Variants in CHST11 observed in about 807,000 individuals in gnomAD.
CHST11 encodes the protein C4S-1.
Under a neutral mutation model 30.4 loss-of-function variants are expected in CHST11, and 9 were observed. The observed-to-expected ratio is 0.30, with a 90% CI of 0.18 to 0.52. The LOEUF (loss-of-function observed/expected upper bound fraction) is 0.52, where lower values mean the gene tolerates loss of function less well. CHST11 is among the 20% of genes least tolerant of loss of function. CHST11 has a pLI of 0.97. For synonymous variants in CHST11, 152 were observed against 187.8 expected (o/e 0.81, Z 1.56); for missense variants, 348 against 460.6 (o/e 0.76, Z 2.24).
chr12:104,500,720 T>C (rs920262713), intron 1 of CHST11, among the ~76,000 whole-genome samples: 5 of 152,178 alleles, frequency 3.3e-5, no homozygotes, highest in African/African-American at 1.2e-4. Flanking sequence ...GGGAGGGTTA[T>C]AGTTGGATGC....
At chr12:104,488,206 T>C (rs1326143529) in intron 1 of CHST11, among the ~76,000 whole-genome samples, 1 of 152,180 alleles carries the variant, frequency 6.6e-6, no homozygotes, top group Non-Finnish European at 1.5e-5. Flanking sequence ...GCTTTGCACA[T>C]GGGAACCACG....
chr12:104,743,897 A>G (rs1259279768), intron 2 of CHST11, among the ~76,000 whole-genome samples: 1 of 152,092 alleles, frequency 6.6e-6, no homozygotes, highest in Non-Finnish European at 1.5e-5. Context: ...GCTAAGGATT[A>G]TGGCCTCCAG....
At chr12:104,683,208 C>G (rs1490772439) in intron 2 of CHST11, among the ~76,000 whole-genome samples, 6 of 152,182 alleles carry the variant, frequency 3.9e-5, no homozygotes, top group African/African-American at 1.2e-4. Flanking sequence ...CTGCTCAGTG[C>G]GAGACAACCC....
chr12:104,757,093 G>A lies in CHST11; in HGVS notation c.349G>A (p.Glu117Lys). Reference protein sequence around the residue: ...LKHLVVDEDHELIYCYVPKVA... With the variant: ...LKHLVVDEDHKLIYCYVPKVA... ...GCACTTGGTGGTGGATGAGGACCACGAGCTCATCTACTGCTACGTGCCCAA... is the reference window on the plus strand; with the variant it reads ...GCACTTGGTGGTGGATGAGGACCACAAGCTCATCTACTGCTACGTGCCCAA... Residue 117 changes from glutamate (E) to lysine (K), a missense_variant, in exon 3 of 3, where the codon GAG (glutamate) becomes AAG (lysine). By Grantham distance (56) the Glu-to-Lys change is moderately conservative (BLOSUM62 1). Around this residue, in one of 3 missense-constraint regions of CHST11, gnomAD observed 135 missense variants for 155.8 expected, o/e 0.87. Transcript: ENST00000303694. This position sits in a 1 kb window ranked among gnomAD's most constrained non-coding sequence, Gnocchi z 6.5. The A allele has an allele frequency of 6.2e-7, 1 of 1,614,072 alleles. No homozygotes were observed. The highest frequency in any genetic ancestry group is 1.7e-5 in the Admixed American group (1 of 60,014).
At chr12:104,492,487 C>G (rs1386236768) in intron 1 of CHST11, among the ~76,000 whole-genome samples, 1 of 152,328 alleles carries the variant, frequency 6.6e-6, no homozygotes, top group Non-Finnish European at 1.5e-5. Flanking sequence ...GTCTCTCTGC[C>G]CCTCACTATG....
chr12:104,626,319 C>T (rs1185662671), intron 2 of CHST11, among the ~76,000 whole-genome samples: 1 of 151,978 alleles, frequency 6.6e-6, no homozygotes, highest in Non-Finnish European at 1.5e-5. Flanking sequence ...TTTTTAAAAC[C>T]TCATAAAACC....
At chr12:104,720,230 C>T (rs927054958) in intron 2 of CHST11, among the ~76,000 whole-genome samples, 6 of 152,230 alleles carry the variant, frequency 3.9e-5, no homozygotes, top group Non-Finnish European at 1.5e-5. Flanking sequence ...TACTGTGTGC[C>T]AAGCATTTTA....
chr12:104,525,342 T>A (rs2038115282), intron 1 of CHST11, among the ~76,000 whole-genome samples: 1 of 152,230 alleles, frequency 6.6e-6, no homozygotes, highest in African/African-American at 2.4e-5. Flanking sequence ...AATTACTTTT[T>A]GAACCATAAG....
chr12:104,697,160 G>C (rs1333056251), intron 2 of CHST11, among the ~76,000 whole-genome samples: 1 of 152,184 alleles, frequency 6.6e-6, no homozygotes, highest in Non-Finnish European at 1.5e-5. Context: ...GCCAGCAGTG[G>C]ATGGGGACCC....
At chr12:104,488,440 TATGTATGTGTGTATATGC>T (rs1400046181) in intron 1 of CHST11, among the ~76,000 whole-genome samples, 3 of 151,796 alleles carry the variant, frequency 2.0e-5, no homozygotes, top group East Asian at 1.9e-4. Context: ...TGTATGCATG[TATGTATGTGTGTATATGC>T]ATGTATGTGT....
intron 1 of CHST11, among the ~76,000 whole-genome samples, chr12:104,541,861 G>A (rs571286488): frequency 3.3e-5 from 5 of 152,284 alleles, no homozygotes; most frequent in East Asian, 3.9e-4. Flanking sequence ...CCCAGGAGGC[G>A]GAGGTTGCAG....
In CHST11 at chr12:104,504,394, C is replaced by T. The variant is rs2037882469; in HGVS notation, c.118+46865C>T. ...AGAAAACCAGATGCCAGACTCCTGACTCTGGCACTGCTGAGTCCTGTTTCT... is the reference window on the plus strand; with the variant it reads ...AGAAAACCAGATGCCAGACTCCTGATTCTGGCACTGCTGAGTCCTGTTTCT... On this transcript the variant is annotated intron_variant, in intron 1 of 2. Coordinates refer to ENST00000303694, the MANE Select transcript of CHST11 (RefSeq NM_018413.6). Among the ~76,000 whole-genome samples the T allele has an allele frequency of 3.3e-5, 5 of 152,376 alleles. No individual in the cohort carries two copies. The South Asian group carries it at 1.0e-3, about 32-fold the overall frequency.
At chr12:104,734,258 T>C (rs1040981667) in intron 2 of CHST11, among the ~76,000 whole-genome samples, 1 of 152,180 alleles carries the variant, frequency 6.6e-6, no homozygotes, top group Non-Finnish European at 1.5e-5. Flanking sequence ...TATCTTGAAA[T>C]AGTTGGAGGT....
At chr12:104,497,435 A>T (rs777998894) in intron 1 of CHST11, among the ~76,000 whole-genome samples, 1 of 152,170 alleles carries the variant, frequency 6.6e-6, no homozygotes, top group Non-Finnish European at 1.5e-5. Flanking sequence ...TGACACCTTG[A>T]TCCTAGACTT....
chr12:104,724,332 G>A (rs2040201124), intron 2 of CHST11, among the ~76,000 whole-genome samples: 1 of 152,134 alleles, frequency 6.6e-6, no homozygotes, highest in African/African-American at 2.4e-5. Flanking sequence ...CATGTTTGAT[G>A]GGTACAGAGA....
chr12:104,474,303 G>A (rs1156798458), intron 1 of CHST11, among the ~76,000 whole-genome samples: 1 of 152,200 alleles, frequency 6.6e-6, no homozygotes, highest in Non-Finnish European at 1.5e-5. Flanking sequence ...AACTGAACAG[G>A]CAATCTTTTA....
At chr12:104,620,776 T>C (rs2039152065) in intron 2 of CHST11, among the ~76,000 whole-genome samples, 1 of 152,146 alleles carries the variant, frequency 6.6e-6, no homozygotes, top group Non-Finnish European at 1.5e-5. Flanking sequence ...GACTTTCTTT[T>C]CACTAACACA....
intron 1 of CHST11, among the ~76,000 whole-genome samples, chr12:104,572,341 T>A (rs1381999088): frequency 6.6e-6 from 1 of 151,806 alleles, no homozygotes; most frequent in Admixed American, 6.6e-5. Context: ...ATCCGTCTGG[T>A]CCTGGACTTT....
At chr12:104,581,509 G>T (rs1432873640) in intron 1 of CHST11, among the ~76,000 whole-genome samples, 2 of 152,166 alleles carry the variant, frequency 1.3e-5, no homozygotes, top group Admixed American at 1.3e-4. Context: ...GTTATGATTT[G>T]ATGTAGTGGC....
Sources: allele counts gnomAD v4.1 joint callset (sites outside exome capture counted in the v4.1 genomes callset), GRCh38; gene constraint gnomAD v4.1.1; regional missense constraint gnomAD v4.1.1; non-coding constraint Gnocchi (gnomAD v3.1); transcripts MANE v1.5; gene names NCBI Gene and HGNC (gene_info 2026-07-23, HGNC 2026-07-21).